Variants in DENND1A observed in about 807,000 individuals in gnomAD.
The protein encoded by DENND1A is DENN domain containing 1A.
A neutral mutation model predicts 113.7 loss-of-function variants in DENND1A; 51 were observed. The observed-to-expected ratio is 0.45, with a 90% confidence interval of 0.36 to 0.57. The LOEUF (loss-of-function observed/expected upper bound fraction) is 0.57. Among genes scored for constraint, DENND1A ranks in the 20% least tolerant of loss-of-function variants. The probability of loss-of-function intolerance (pLI) is 0.00; values close to 1 mark genes in which losing one functional copy is unlikely to be tolerated. For synonymous variants in DENND1A, 565 were observed against 570.8 expected (o/e 0.99, Z 0.14); for missense variants, 1,258 against 1,395.9 (o/e 0.90, Z 1.57).
chr9:123,519,030 C>T (rs1458477841), intron 13 of DENND1A, among the ~76,000 whole-genome samples: 5 of 152,338 alleles, frequency 3.3e-5, no homozygotes, highest in South Asian at 2.1e-4. Flanking sequence ...TGGGCTCCCC[C>T]GTTCCCTTCG....
Position 123,382,047 on chromosome 9 carries a change from C to A in DENND1A, c.2598G>T (p.Pro866=), listed in dbSNP as rs779244494. Residue 866 remains proline (P), a synonymous_variant, in exon 24 of 24, where the codon CCG becomes CCT. Transcript: ENST00000394215. ...GSTLPSRPAT[P]NVATPFTPQF... ...GGGGGGTGAATGGGGTGGCTACATTCGGGGTGGCGGGGCGTGACGGGAGGG... is the reference window on the plus strand; with the variant it reads ...GGGGGGTGAATGGGGTGGCTACATTAGGGGTGGCGGGGCGTGACGGGAGGG... 1 of 1,021,996 alleles carries A rather than the reference C, an allele frequency of 9.8e-7. No homozygotes were observed. The highest frequency in any genetic ancestry group is 1.2e-6 in the Non-Finnish European group (1 of 823,046). 63.3% of individuals were successfully genotyped at this position (1,021,996 alleles called of 1,614,324 possible).
At chr9:123,610,328 A>G (rs1372863809) in intron 10 of DENND1A, among the ~76,000 whole-genome samples, 1 of 152,244 alleles carries the variant, frequency 6.6e-6, no homozygotes, top group African/African-American at 2.4e-5. Flanking sequence ...TCTAATCCAC[A>G]TAACAACTTT....
At chr9:123,678,724 G>A (rs1445901373) in intron 5 of DENND1A, among the ~76,000 whole-genome samples, 2 of 152,210 alleles carry the variant, frequency 1.3e-5, no homozygotes, top group African/African-American at 4.8e-5. Flanking sequence ...ATACTGATAA[G>A]CAACTTAACT....
chr9:123,506,380 G>A (rs1246052573), intron 13 of DENND1A, among the ~76,000 whole-genome samples: 1 of 151,884 alleles, frequency 6.6e-6, no homozygotes, highest in African/African-American at 2.4e-5. Context: ...TCAAGAGATC[G>A]AGACCATCCT....
chr9:123,652,797 G>T (rs2062730979), intron 8 of DENND1A, among the ~76,000 whole-genome samples: 1 of 152,136 alleles, frequency 6.6e-6, no homozygotes, highest in Non-Finnish European at 1.5e-5. Context: ...ACAAACAGCA[G>T]CAAGTTGTGA....
chr9:123,659,109 G>A (rs1487107218), intron 8 of DENND1A, among the ~76,000 whole-genome samples: 2 of 152,180 alleles, frequency 1.3e-5, no homozygotes, highest in Non-Finnish European at 2.9e-5. Context: ...GATCCACAGT[G>A]GATGCTCAAT....
intron 13 of DENND1A, among the ~76,000 whole-genome samples, chr9:123,493,424 C>T (rs749757313): frequency 4.6e-5 from 7 of 152,092 alleles, no homozygotes; most frequent in African/African-American, 1.4e-4. Flanking sequence ...AGAGGATGGG[C>T]GGTGCAGCGG....
In DENND1A at chr9:123,457,823, C is replaced by G. The variant is rs967265139; in HGVS notation, c.1068G>C (p.Gln356His). Residue 356 changes from glutamine (Q) to histidine (H), a missense_variant, in exon 14 of 24, where the codon CAG (glutamine) becomes CAC (histidine). Physicochemically the swap from Gln to His is conservative, Grantham distance 24. This residue lies in a region of DENND1A where 1,159 missense variants were observed against 1,231.7 expected (regional missense o/e 0.94). Transcript: ENST00000394215. ...TGAAGAGCTGCAGCTGTGTGGCGTTCTGCAGGAACTGCCTCATGGCTCCGG... is the reference window on the plus strand; with the variant it reads ...TGAAGAGCTGCAGCTGTGTGGCGTTGTGCAGGAACTGCCTCATGGCTCCGG... ...YRSGAMRQFL[Q>H]NATQLQLFKQ... 2.5e-6 allele frequency: 4 copies of G among 1,612,250 alleles called. No individual in the cohort carries two copies. In the African/African-American group the frequency reaches 5.3e-5, roughly 22 times the overall value.
chr9:123,677,642 C>G (rs1168529639), intron 5 of DENND1A, among the ~76,000 whole-genome samples: 1 of 152,172 alleles, frequency 6.6e-6, no homozygotes, highest in Non-Finnish European at 1.5e-5. Context: ...CCATACTGGC[C>G]AGGCTGGTCT....
intron 13 of DENND1A, among the ~76,000 whole-genome samples, chr9:123,499,515 T>C (rs1349762414): frequency 6.6e-6 from 1 of 152,224 alleles, no homozygotes; most frequent in African/African-American, 2.4e-5. Context: ...CATCACTTTA[T>C]ATATATTAAC....
intron 12 of DENND1A, among the ~76,000 whole-genome samples, chr9:123,577,527 C>A (rs1315892240): frequency 6.6e-6 from 1 of 152,148 alleles, no homozygotes; most frequent in African/African-American, 2.4e-5. Context: ...ATGTCTTGCA[C>A]TTTTAAAATA....
chr9:123,858,051 T>A (rs1471538077), intron 2 of DENND1A, among the ~76,000 whole-genome samples: 2 of 132,314 alleles, frequency 1.5e-5, no homozygotes, highest in African/African-American at 2.9e-5. Context: ...AGAGCGAGAC[T>A]CCGTCTCAAA....
chr9:123,503,469 A>G (rs2052661897), intron 13 of DENND1A, among the ~76,000 whole-genome samples: 1 of 152,206 alleles, frequency 6.6e-6, no homozygotes, highest in Admixed American at 6.5e-5. Context: ...TTTCTGTAAC[A>G]GCCACCAATG....
intron 10 of DENND1A, among the ~76,000 whole-genome samples, chr9:123,627,469 C>T (rs908581442): frequency 1.1e-4 from 17 of 152,188 alleles, no homozygotes; most frequent in South Asian, 2.1e-4. Flanking sequence ...ACAACAGGCA[C>T]GGTGGCTCAC....
At chr9:123,648,705 T>C (rs1344409431) in intron 9 of DENND1A, among the ~76,000 whole-genome samples, 1 of 152,256 alleles carries the variant, frequency 6.6e-6, no homozygotes, top group Non-Finnish European at 1.5e-5. Flanking sequence ...TAAGCCTTTC[T>C]CTACTCCAAA....
chr9:123,391,919 CAG>C (rs1588289115), intron 21 of DENND1A, among the ~76,000 whole-genome samples: 1 of 152,190 alleles, frequency 6.6e-6, no homozygotes, highest in South Asian at 2.1e-4. Flanking sequence ...CGAGGGCTGC[CAG>C]AGTCTTGGTG....
chr9:123,780,667 G>T (rs951401253), intron 3 of DENND1A, among the ~76,000 whole-genome samples: 2 of 152,042 alleles, frequency 1.3e-5, no homozygotes, highest in Non-Finnish European at 2.9e-5. Context: ...TTTGTCAAAG[G>T]TTTACCATTT....
At chr9:123,729,290 G>A (rs1038851503) in intron 5 of DENND1A, among the ~76,000 whole-genome samples, 2 of 152,064 alleles carry the variant, frequency 1.3e-5, no homozygotes, top group Non-Finnish European at 2.9e-5. Flanking sequence ...AGAAATAAAG[G>A]GCATTCAAAT....
At position 123,711,512 on chromosome 9, in the gene DENND1A, TG is replaced by T. The variant is rs1436442170; in HGVS notation, c.303-34724del. ...ATATATATATATATATATGTATATA[TG>T]TATATATATATATATATATATATAT... On this transcript the variant is annotated intron_variant, in intron 5 of 23. Transcript: ENST00000394215. Among the ~76,000 whole-genome samples the T allele has an allele frequency of 1.0e-4, 8 of 78,270 alleles. No individual in the cohort carries two copies. In the East Asian group the frequency reaches 3.9e-3, roughly 38 times the overall value. The allele number at this position is 78,270 out of a possible 152,430, so 51.3% of individuals were successfully genotyped here. A position where few individuals can be genotyped will look rare whatever the true frequency, so the allele number is the denominator to read the frequency against.
Sources: gnomAD v4.1 joint callset for allele counts (sites outside exome capture counted in the v4.1 genomes callset) on GRCh38, gnomAD v4.1.1 for gene constraint, gnomAD v4.1.1 regional missense constraint, MANE v1.5 for transcripts, NCBI Gene and HGNC (gene_info 2026-07-23, HGNC 2026-07-21) for gene names.